The following ITGAM variants were observed in gnomAD, a reference collection of about 807,000 sequenced individuals.
The protein encoded by ITGAM is integrin subunit alpha M.
ITGAM carries 79 observed loss-of-function variants against 137.5 expected under a neutral mutation model. That is an observed-to-expected ratio of 0.57 (90% CI 0.48 to 0.69). ITGAM has a LOEUF of 0.69. Among genes scored for constraint, ITGAM ranks in the 30% least tolerant of loss-of-function variants. The pLI, the probability that ITGAM is intolerant of heterozygous loss-of-function variation, is 0.00. For missense variants in ITGAM, 1,343 were observed against 1,483.5 expected (o/e 0.91, Z 1.56); for synonymous variants, 583 against 592.3 (o/e 0.98, Z 0.23).
intron 14 of ITGAM, among the ~76,000 whole-genome samples, chr16:31,303,275 C>G (rs923619849): frequency 3.3e-5 from 5 of 151,998 alleles, no homozygotes; most frequent in Non-Finnish European, 5.9e-5. Flanking sequence ...CATCCTCCTG[C>G]CTTGGCCTCT....
intron 7 of ITGAM, among the ~76,000 whole-genome samples, chr16:31,272,441 A>G (rs1442204293): frequency 0.024 from 266 of 11,080 alleles, 19 homozygotes; most frequent in African/African-American, 0.046. Context: ...ATATATATAT[A>G]TATATATATA....
chr16:31,267,405 T>C (rs568415222), intron 5 of ITGAM, among the ~76,000 whole-genome samples: 4 of 152,198 alleles, frequency 2.6e-5, no homozygotes, highest in Admixed American at 1.3e-4. Context: ...CTCCCTCCAC[T>C]TTCCCCTTCT....
At chr16:31,328,625 G>GC (rs1172498209) in intron 23 of ITGAM, among the ~76,000 whole-genome samples, 2 of 148,578 alleles carry the variant, frequency 1.3e-5, no homozygotes, top group Non-Finnish European at 3.0e-5. Flanking sequence ...GTGTGTCTGG[G>GC]CATGGGTGTG....
intron 12 of ITGAM, among the ~76,000 whole-genome samples, chr16:31,280,499 A>T (rs571729347): frequency 6.6e-6 from 1 of 152,162 alleles, no homozygotes. Flanking sequence ...CTTTGAAGCA[A>T]TTGTGAATGG....
In ITGAM at chr16:31,324,751, C is replaced by T. The variant is rs375408663; in HGVS notation, c.2258C>T (p.Ala753Val). The T allele has an allele frequency of 4.4e-5, 69 of 1,581,166 alleles. No individual in the cohort carries two copies. The highest frequency in any genetic ancestry group is 1.6e-4 in the Admixed American group (9 of 54,858). Residue 753 changes from alanine to valine, a missense_variant, in exon 18 of 30, where the codon GCG becomes GTG. Physicochemically the swap from Ala to Val is moderately conservative, Grantham distance 64. Transcript: ENST00000544665. The surrounding 1 kb of genome is among the most constrained non-coding windows in gnomAD (Gnocchi z 4.5). Reference protein sequence around the residue: ...SAFGNLRPVLAEDAQRLFTAL... With the variant: ...SAFGNLRPVLVEDAQRLFTAL... The stretch of plus-strand genomic sequence containing the variant: ...TTCGGGAACCTCCGGCCAGTGCTGG[C>T]GGAGGATGCTCAGAGACTCTTCACA...
chr16:31,330,538 C>T lies in ITGAM; in HGVS notation c.3209C>T (p.Ala1070Val). The T allele has an allele frequency of 6.2e-7, 1 of 1,613,708 alleles. No homozygotes were observed. Among genetic ancestry groups the T allele is most frequent in the Non-Finnish European group, 8.5e-7 (1 of 1,179,670 alleles). Residue 1070 changes from alanine to valine, a missense_variant, in exon 28 of 30, where the codon GCT (alanine) becomes GTT (valine). Coordinates refer to ENST00000544665, the MANE Select transcript of ITGAM (RefSeq NM_000632.4). ...SHNHLLIVST[A>V]EILFNDSVFT... ...AACCACCTCCTGATCGTGAGCACAGCTGAGATCTTGTTTAACGATTCCGTG... is the reference window on the plus strand; with the variant it reads ...AACCACCTCCTGATCGTGAGCACAGTTGAGATCTTGTTTAACGATTCCGTG...
Position 31,330,543 on chromosome 16 carries a change from A to G in ITGAM, c.3214A>G (p.Ile1072Val). The G allele has an allele frequency of 6.2e-7, 1 of 1,613,682 alleles. No individual in the cohort carries two copies. Among genetic ancestry groups the G allele is most frequent in the South Asian group, 1.1e-5 (1 of 91,044 alleles). ...CCTCCTGATCGTGAGCACAGCTGAG[A>G]TCTTGTTTAACGATTCCGTGTTCAC... ...NHLLIVSTAE[I>V]LFNDSVFTLL... The change falls in exon 28 of 30, where the codon ATC (isoleucine) becomes GTC (valine). Residue 1072 changes from isoleucine (I) to valine (V), a missense_variant. Coordinates refer to ENST00000544665, the MANE Select transcript of ITGAM (RefSeq NM_000632.4).
In ITGAM at chr16:31,323,691, T is replaced by G. The variant is rs376213593; in HGVS notation, c.2003-708T>G. On this transcript the variant is annotated intron_variant, in intron 16 of 29. Coordinates refer to ENST00000544665, the MANE Select transcript of ITGAM (RefSeq NM_000632.4). ...TTGATAAGCACTATTTCATTTCCTT[T>G]TTACCATTGGGAGGGTATCATTATT... Among the ~76,000 whole-genome samples the G allele has an allele frequency of 8.3e-4, 127 of 152,278 alleles. 2 individuals are homozygous for G. Among genetic ancestry groups the G allele is most frequent in the East Asian group, 7.3e-3 (38 of 5,190 alleles).
At chr16:31,271,765 A>C in intron 6 of ITGAM, 82 bp from the exon 7 acceptor site, 1 of 1,541,476 alleles carries the variant, frequency 6.5e-7, no homozygotes, top group Non-Finnish European at 8.8e-7. Context: ...TGGAGTGTTT[A>C]AGATCTTCGT....
At chr16:31,321,443 G>A (rs1743486798) in intron 15 of ITGAM, 21 bp from the exon 16 acceptor site, 2 of 1,613,704 alleles carry the variant, frequency 1.2e-6, no homozygotes, top group African/African-American at 1.3e-5. Context: ...GGTCCCTGAT[G>A]GTTTTCTGGT....
chr16:31,316,458 G>A (rs1374069878), intron 14 of ITGAM, among the ~76,000 whole-genome samples: 1 of 151,658 alleles, frequency 6.6e-6, no homozygotes, highest in Admixed American at 6.6e-5. Context: ...TCTGTATTCT[G>A]TTCCATTGGT....
chr16:31,324,650 G>A lies in ITGAM; in HGVS notation c.2158-1G>A. ...ATCCCCAAATCCCGGCTATCTCTTA[G>A]AATTGCATCGAGGACCCAGTGAGCC... On this transcript the variant is annotated splice_acceptor_variant, in intron 17 of 29. Transcript: ENST00000544665. LOFTEE classifies it high-confidence loss of function. This position sits in a 1 kb window ranked among gnomAD's most constrained non-coding sequence, Gnocchi z 4.5. The A allele has an allele frequency of 6.2e-7, 1 of 1,603,760 alleles. No homozygotes were observed. The highest frequency in any genetic ancestry group is 8.5e-7 in the Non-Finnish European group (1 of 1,174,462).
intron 14 of ITGAM, among the ~76,000 whole-genome samples, chr16:31,313,805 C>T (rs976097713): frequency 2.6e-5 from 4 of 152,236 alleles, no homozygotes; most frequent in African/African-American, 9.6e-5. Flanking sequence ...AATCGCCACA[C>T]TGTCTTCTAC....
intron 23 of ITGAM, chr16:31,328,885 AGTGT>A (rs1277807091): frequency 2.1e-5 from 8 of 383,768 alleles, no homozygotes; most frequent in Admixed American, 4.7e-5. Flanking sequence ...TGTGTGCATG[AGTGT>A]GTATTCGTGC....
At chr16:31,313,571 T>C (rs2080358320) in intron 14 of ITGAM, among the ~76,000 whole-genome samples, 1 of 152,246 alleles carries the variant, frequency 6.6e-6, no homozygotes, top group African/African-American at 2.4e-5. Flanking sequence ...TTCTCTTTTA[T>C]GGCTGCATAG....
chr16:31,284,168 G>C (rs1399051545), intron 12 of ITGAM, among the ~76,000 whole-genome samples: 1 of 152,156 alleles, frequency 6.6e-6, no homozygotes, highest in Non-Finnish European at 1.5e-5. Context: ...TAGGCTACTT[G>C]GGGGTCAGGG....
Position 31,297,642 on chromosome 16 carries a change from C to A in ITGAM, c.1485C>A (p.Pro495=). ...GAGGGGGCCAGGTGTCCGTGTGCCC[C>A]TTGCCCAGGGGGGTGAGTGGCAATG... ...QTRGGQVSVC[P]LPRGRARWQC... The change falls in exon 13 of 30, where the codon CCC becomes CCA. Residue 495 remains proline, a synonymous_variant. Transcript: ENST00000544665. 1.2e-6 allele frequency: 2 copies of A among 1,613,182 alleles called. No individual in the cohort carries two copies. Among genetic ancestry groups the A allele is most frequent in the Admixed American group, 3.3e-5 (2 of 59,742 alleles).
chr16:31,283,759 C>CT (rs1165973516), intron 12 of ITGAM, among the ~76,000 whole-genome samples: 1 of 152,200 alleles, frequency 6.6e-6, no homozygotes. Context: ...AGCTTCGTTC[C>CT]ATTGCTGGTG....
chr16:31,267,288 T>C (rs1169675748), intron 5 of ITGAM, among the ~76,000 whole-genome samples: 7 of 152,066 alleles, frequency 4.6e-5, no homozygotes, highest in Non-Finnish European at 1.0e-4. Context: ...CAGGCGAATG[T>C]TTCTCCCTTG....
Sources: gnomAD v4.1 joint callset for allele counts (sites outside exome capture counted in the v4.1 genomes callset) on GRCh38, gnomAD v4.1.1 for gene constraint, Gnocchi (gnomAD v3.1) non-coding constraint, MANE v1.5 for transcripts, NCBI Gene and HGNC (gene_info 2026-07-23, HGNC 2026-07-21) for gene names.